Variants in SYTL2 observed in about 807,000 individuals in gnomAD.
The protein encoded by SYTL2 is synaptotagmin like 2.
A neutral mutation model predicts 198.7 loss-of-function variants in SYTL2; 165 were observed. That is an observed-to-expected ratio of 0.83 (90% CI 0.73 to 0.94). SYTL2 has a LOEUF of 0.94. Ranked by LOEUF, SYTL2 falls within the 40% of genes least tolerant of loss-of-function variation. The pLI, the probability that SYTL2 is intolerant of heterozygous loss-of-function variation, is 0.00. For synonymous variants in SYTL2, 966 were observed against 917.7 expected, an observed-to-expected ratio of 1.05 and a Z score of -0.95; for missense variants, 2,835 against 2,582.8, an observed-to-expected ratio of 1.10 and a Z score of -2.12.
intron 1 of SYTL2, among the ~76,000 whole-genome samples, chr11:85,769,704 G>C (rs538548761): frequency 1.3e-5 from 2 of 152,158 alleles, no homozygotes; most frequent in Admixed American, 6.5e-5. Context: ...CCCAGTTTAA[G>C]AGGCTGAAGA....
At chr11:85,797,385 T>G (rs1047387558) in intron 1 of SYTL2, among the ~76,000 whole-genome samples, 1 of 152,152 alleles carries the variant, frequency 6.6e-6, no homozygotes, top group African/African-American at 2.4e-5. Context: ...CCCAGCACTT[T>G]GGGAGGCTGA....
intron 3 of SYTL2, among the ~76,000 whole-genome samples, chr11:85,746,100 G>T (rs2091138782): frequency 6.6e-6 from 1 of 152,150 alleles, no homozygotes. Context: ...AATGTGCATG[G>T]CCAGGGGATG....
chr11:85,774,647 T>C (rs960103814), intron 1 of SYTL2, among the ~76,000 whole-genome samples: 1 of 152,212 alleles, frequency 6.6e-6, no homozygotes, highest in African/African-American at 2.4e-5. Flanking sequence ...TAGAAGCTTA[T>C]ATAAATAAAC....
chr11:85,712,230 C>T (rs1217317406), intron 12 of SYTL2, among the ~76,000 whole-genome samples: 6 of 152,146 alleles, frequency 3.9e-5, no homozygotes, highest in Non-Finnish European at 4.4e-5. Context: ...TAATGCTTTA[C>T]GTGGATAAGA....
intron 1 of SYTL2, among the ~76,000 whole-genome samples, chr11:85,772,549 T>C (rs1283904143): frequency 2.0e-5 from 3 of 152,246 alleles, no homozygotes; most frequent in Non-Finnish European, 4.4e-5. Flanking sequence ...TCATCCTTCA[T>C]GATAGCTGTC....
chr11:85,731,644 AG>A (rs1208947707), intron 7 of SYTL2, among the ~76,000 whole-genome samples: 1 of 152,256 alleles, frequency 6.6e-6, no homozygotes, highest in Non-Finnish European at 1.5e-5. Flanking sequence ...AAGAAAACCT[AG>A]GCAATACCAC....
At chr11:85,768,451 T>C (rs1184390775) in intron 1 of SYTL2, among the ~76,000 whole-genome samples, 1 of 152,162 alleles carries the variant, frequency 6.6e-6, no homozygotes, top group African/African-American at 2.4e-5. Context: ...GCAAAACAGA[T>C]CTACCTTACA....
At chr11:85,704,834 A>T in intron 16 of SYTL2, 24 bp downstream of exon 16, 1 of 1,607,268 alleles carries the variant, frequency 6.2e-7, no homozygotes, top group Non-Finnish European at 8.5e-7. Context: ...AACCAAATAA[A>T]CAAACAAAAA....
rs1316893526 is a variant in SYTL2, at chr11:85,727,753, A to G, written c.1605T>C (p.Asn535=). Residue 535 remains asparagine (N), a synonymous_variant, in exon 8 of 20, where the codon AAT becomes AAC. Coordinates refer to ENST00000359152, the MANE Select transcript of SYTL2 (RefSeq NM_206927.4). ...WFNRSSYSDD[N]KSFLQHPRGI... ...CTCGGGGATGTTGGAGGAATGACTT[A>G]TTGTCATCTGAATAAGAACTTCGGT... 1 of 1,559,586 alleles carries G rather than the reference A, an allele frequency of 6.4e-7. No individual in the cohort carries two copies. The highest frequency in any genetic ancestry group is 1.4e-5 in the African/African-American group (1 of 73,562).
chr11:85,740,996 A>G (rs936529687), intron 4 of SYTL2, among the ~76,000 whole-genome samples: 1 of 152,182 alleles, frequency 6.6e-6, no homozygotes, highest in Non-Finnish European at 1.5e-5. Flanking sequence ...CAGTCATTTA[A>G]AAAAGGTTTT....
chr11:85,749,915 C>T (rs757216090), intron 2 of SYTL2, among the ~76,000 whole-genome samples: 7 of 152,068 alleles, frequency 4.6e-5, no homozygotes, highest in African/African-American at 1.2e-4. Context: ...CTGGAAAATA[C>T]GGGGTATTTA....
intron 1 of SYTL2, among the ~76,000 whole-genome samples, chr11:85,768,908 G>C (rs949381886): frequency 6.6e-6 from 1 of 152,114 alleles, no homozygotes; most frequent in African/African-American, 2.4e-5. Flanking sequence ...CTTGGTCTCT[G>C]GTTCTGCAGT....
chr11:85,843,158 G>A, the SYTL2 span, among the ~76,000 whole-genome samples: 3 of 152,100 alleles, frequency 2.0e-5, no homozygotes, highest in East Asian at 1.9e-4. Context: ...CAGATCACTC[G>A]AGGTCTGGAG....
chr11:85,701,669 C>G (rs966763630), intron 16 of SYTL2, among the ~76,000 whole-genome samples: 1 of 152,152 alleles, frequency 6.6e-6, no homozygotes, highest in Non-Finnish European at 1.5e-5. Context: ...CATTTGAGAA[C>G]CATTTCTTTA....
the SYTL2 span, among the ~76,000 whole-genome samples, chr11:85,833,020 AAAG>A: frequency 9.0e-4 from 15 of 16,608 alleles, 1 homozygote; most frequent in African/African-American, 2.3e-3. Flanking sequence ...GAAAAGAAAG[AAAG>A]AAAGAAAGAA....
chr11:85,728,052 C>T (rs776601789), intron 7 of SYTL2, 85 bp from the exon 8 acceptor site: 37 of 1,259,754 alleles, frequency 2.9e-5, no homozygotes, highest in Non-Finnish European at 3.7e-5. Flanking sequence ...TTTATAAAAG[C>T]ACTTTGTATT....
intron 3 of SYTL2, among the ~76,000 whole-genome samples, chr11:85,747,547 T>A (rs897366330): frequency 6.6e-6 from 1 of 152,104 alleles, no homozygotes; most frequent in Non-Finnish European, 1.5e-5. Flanking sequence ...ATTTCCCCCC[T>A]CTTTTGACTT....
chr11:85,827,252 G>A, the SYTL2 span, among the ~76,000 whole-genome samples: 1 of 152,162 alleles, frequency 6.6e-6, no homozygotes, highest in African/African-American at 2.4e-5. Context: ...TATTCCCCAA[G>A]GCCCTCTGAG....
rs1399569871 is a variant in SYTL2 at position 85,727,712 on chromosome 11, T to C, written c.1646A>G (p.Glu549Gly). The C allele has an allele frequency of 7.1e-6, 11 of 1,547,492 alleles. No homozygotes were observed. In the South Asian group the frequency reaches 8.3e-5, roughly 12 times the overall value. ...AACCTGTGATTTTGAGTCTGTTTTTTCTTTGGACTCTATTCCTCGGGGATG... is the reference window on the plus strand; with the variant it reads ...AACCTGTGATTTTGAGTCTGTTTTTCCTTTGGACTCTATTCCTCGGGGATG... ...LQHPRGIESK[E>G]KTDSKSQVAV... Residue 549 changes from glutamate (E) to glycine (G), a missense_variant, in exon 8 of 20, where the codon GAA (glutamate) becomes GGA (glycine). By Grantham distance (98) the Glu-to-Gly change is moderately conservative. Coordinates refer to ENST00000359152, the MANE Select transcript of SYTL2 (RefSeq NM_206927.4).
Sources: gnomAD v4.1 joint callset for allele counts (sites outside exome capture counted in the v4.1 genomes callset) on GRCh38, gnomAD v4.1.1 for gene constraint, MANE v1.5 for transcripts, NCBI Gene and HGNC (gene_info 2026-07-23, HGNC 2026-07-21) for gene names.